The following CRB1 variants were observed in gnomAD, a reference collection of about 807,000 sequenced individuals.
The protein encoded by CRB1 is crumbs cell polarity complex component 1, also known as protein crumbs homolog 1.
CRB1 carries 83 observed loss-of-function variants against 120.0 expected under a neutral mutation model. The observed-to-expected ratio is 0.69, with a 90% CI of 0.58 to 0.83. The LOEUF is 0.83. Among genes scored for constraint, CRB1 ranks in the 40% least tolerant of loss-of-function variants. The pLI, the probability that CRB1 is intolerant of heterozygous loss-of-function variation, is 0.00. For missense variants in CRB1, 1,699 were observed against 1,687.6 expected (o/e 1.01, Z -0.12); for synonymous variants, 625 against 612.5 (o/e 1.02, Z -0.30).
intron 8 of CRB1, among the ~76,000 whole-genome samples, chr1:197,430,413 A>C (rs1664815751): frequency 6.6e-6 from 1 of 152,152 alleles, no homozygotes; most frequent in South Asian, 2.1e-4. Flanking sequence ...CATTACAAAA[A>C]ATTTCTTTTG....
chr1:197,354,607 G>A (rs1451392359), intron 4 of CRB1, among the ~76,000 whole-genome samples: 3 of 152,192 alleles, frequency 2.0e-5, no homozygotes, highest in East Asian at 1.9e-4. Flanking sequence ...CTCCTGGAGG[G>A]TTCGTGGTCT....
Position 197,421,181 on chromosome 1 carries a change from A to C in CRB1, c.1353A>C (p.Leu451=). 1 of 1,614,236 alleles carries C rather than the reference A, an allele frequency of 6.2e-7. No individual in the cohort carries two copies. The highest frequency in any genetic ancestry group is 1.1e-5 in the South Asian group (1 of 91,088). The change falls in exon 6 of 12, where the codon CTA becomes CTC. Residue 451 remains leucine, a synonymous_variant. Coordinates refer to ENST00000367400, the MANE Select transcript of CRB1 (RefSeq NM_201253.3). ...ILLGCTHQQC[L]NNGTCIPHFQ... ...TGGGCTGTACCCATCAGCAATGTCTAAATAATGGAACATGCATCCCTCACT... is the reference window on the plus strand; with the variant it reads ...TGGGCTGTACCCATCAGCAATGTCTCAATAATGGAACATGCATCCCTCACT...
rs530342213 is a variant in CRB1, at chr1:197,433,630, G to A, written c.2843-1076G>A. On this transcript the variant is annotated intron_variant, in intron 8 of 11. Coordinates refer to ENST00000367400, the MANE Select transcript of CRB1 (RefSeq NM_201253.3). ...AAAGCAGCAGGATTGGGGGATGTCA[G>A]GATACTGTTTCGTGTGTATTTTTAT... Among the ~76,000 whole-genome samples, 3 of 152,204 alleles carry A rather than the reference G, an allele frequency of 2.0e-5. No individual in the cohort carries two copies. In the South Asian group the frequency reaches 6.2e-4, roughly 32 times the overall value.
intron 11 of CRB1, among the ~76,000 whole-genome samples, chr1:197,453,939 A>AAT: frequency 7.7e-6 from 1 of 130,456 alleles, no homozygotes; most frequent in South Asian, 2.2e-4. Context: ...TATTATTAAT[A>AAT]ATATATATTA....
At chr1:197,392,232 C>CA (rs1165954951) in intron 5 of CRB1, among the ~76,000 whole-genome samples, 2 of 151,356 alleles carry the variant, frequency 1.3e-5, no homozygotes, top group African/African-American at 4.8e-5. Flanking sequence ...GGTGACAAGG[C>CA]AAAAAAACAA....
At chr1:197,398,856 G>A (rs950648936) in intron 5 of CRB1, among the ~76,000 whole-genome samples, 1 of 150,722 alleles carries the variant, frequency 6.6e-6, no homozygotes, top group Admixed American at 6.6e-5. Flanking sequence ...GGACAACAGA[G>A]ATAATAGATT....
chr1:197,329,675 A>C (rs1183152550), intron 2 of CRB1, among the ~76,000 whole-genome samples: 8 of 152,090 alleles, frequency 5.3e-5, no homozygotes, highest in Non-Finnish European at 1.0e-4. Flanking sequence ...TATCCTCCCT[A>C]TCCTTTTGAA....
At chr1:197,388,373 G>A (rs1263975267) in intron 5 of CRB1, among the ~76,000 whole-genome samples, 1 of 151,844 alleles carries the variant, frequency 6.6e-6, no homozygotes, top group East Asian at 1.9e-4. Context: ...ACATTTTCGG[G>A]AGACTAAGAA....
In CRB1 at chr1:197,328,561, G is replaced by C. The variant is rs962778860; in HGVS notation, c.210G>C (p.Met70Ile). ...ATTTGGACAAAGACTGTGACAACAT[G>C]AAAGACCCTTGCTTCTCCAATCCCT... ...ANNLDKDCDN[M>I]KDPCFSNPCQ... The change falls in exon 2 of 12, where the codon ATG becomes ATC. Residue 70 changes from methionine to isoleucine, a missense_variant. By Grantham distance (10) the Met-to-Ile change is conservative. Transcript: ENST00000367400. 2 of 1,614,076 alleles carry C rather than the reference G, an allele frequency of 1.2e-6. No individual in the cohort carries two copies. The highest frequency in any genetic ancestry group is 2.7e-5 in the African/African-American group (2 of 74,936).
At chr1:197,407,685 G>C (rs1663486178) in intron 5 of CRB1, among the ~76,000 whole-genome samples, 1 of 152,132 alleles carries the variant, frequency 6.6e-6, no homozygotes, top group African/African-American at 2.4e-5. Flanking sequence ...CTAGTGATGT[G>C]TCCTAAGATT....
At chr1:197,218,069 C>G in the CRB1 span, among the ~76,000 whole-genome samples, 49 of 152,124 alleles carry the variant, frequency 3.2e-4, 1 homozygote, top group Non-Finnish European at 8.8e-5. Context: ...TATAAACATG[C>G]ATTTTCATAA....
the CRB1 span, among the ~76,000 whole-genome samples, chr1:197,219,995 T>G: frequency 2.6e-5 from 4 of 152,232 alleles, no homozygotes; most frequent in African/African-American, 9.6e-5. Context: ...GTCACATGTT[T>G]TCCTGAAACT....
At chr1:197,455,301 A>G (rs1377401724) in intron 11 of CRB1, among the ~76,000 whole-genome samples, 3 of 152,156 alleles carry the variant, frequency 2.0e-5, no homozygotes, top group Non-Finnish European at 4.4e-5. Flanking sequence ...TAACTCAAAC[A>G]ATAAAGTTGA....
intron 5 of CRB1, among the ~76,000 whole-genome samples, chr1:197,368,703 A>AT (rs1018380799): frequency 1.6e-4 from 24 of 152,326 alleles, no homozygotes; most frequent in Admixed American, 1.2e-3. Context: ...TCAGGTTGGC[A>AT]TTCCTCTGTT....
rs949066677 is a variant in CRB1, at chr1:197,434,691, A to G, written c.2843-15A>G. 6.2e-7 allele frequency: 1 copy of G among 1,604,568 alleles called. No individual in the cohort carries two copies. Among genetic ancestry groups the G allele is most frequent in the Non-Finnish European group, 8.5e-7 (1 of 1,171,970 alleles). ...TTTAATAAAGTTATTGATTATTATC[A>G]CCTTCTCTCATTAGGTATTGCAAAT... On this transcript the variant is annotated splice_polypyrimidine_tract_variant and intron_variant, in intron 8 of 11. Transcript: ENST00000367400.
chr1:197,432,403 CAT>C (rs1224443237), intron 8 of CRB1, among the ~76,000 whole-genome samples: 98 of 106,062 alleles, frequency 9.2e-4, no homozygotes, highest in Admixed American at 2.8e-3. Flanking sequence ...CACACACACA[CAT>C]AGTAAAAAAC....
At chr1:197,314,752 C>G (rs1657746259) in intron 1 of CRB1, among the ~76,000 whole-genome samples, 1 of 152,132 alleles carries the variant, frequency 6.6e-6, no homozygotes, top group African/African-American at 2.4e-5. Flanking sequence ...AAAGGCCTTT[C>G]TGGTTTCTCA....
At chr1:197,293,700 G>T (rs1001958740) in intron 1 of CRB1, among the ~76,000 whole-genome samples, 1 of 152,070 alleles carries the variant, frequency 6.6e-6, no homozygotes. Flanking sequence ...GCATGGTACT[G>T]GTTCCAAAAC....
chr1:197,418,955 A>T (rs1664146521), intron 5 of CRB1, among the ~76,000 whole-genome samples: 2 of 152,178 alleles, frequency 1.3e-5, no homozygotes, highest in Admixed American at 6.5e-5. Context: ...TCTCTCAATG[A>T]CTACAGTACT....
Sources: gnomAD v4.1 joint callset for allele counts (sites outside exome capture counted in the v4.1 genomes callset) on GRCh38, gnomAD v4.1.1 for gene constraint, MANE v1.5 for transcripts, NCBI Gene and HGNC (gene_info 2026-07-23, HGNC 2026-07-21) for gene names.